Variants in LRP1B observed in about 807,000 individuals in gnomAD.
LRP1B encodes low-density lipoprotein receptor-related protein 1B.
A neutral mutation model predicts 556.6 loss-of-function variants in LRP1B; 217 were observed. The ratio of observed to expected loss-of-function variants is 0.39; its 90% confidence interval spans 0.35 to 0.44. LRP1B has a LOEUF of 0.44. Among genes scored for constraint, LRP1B ranks in the 20% least tolerant of loss-of-function variants. LRP1B has a pLI of 1.00. For missense variants in LRP1B, 5,053 were observed against 5,620.8 expected (o/e 0.90, Z 3.23); for synonymous variants, 2,047 against 1,865.8 (o/e 1.10, Z -2.50).
At chr2:140,302,650 C>T (rs942476868) in intron 83 of LRP1B, among the ~76,000 whole-genome samples, 1 of 152,052 alleles carries the variant, frequency 6.6e-6, no homozygotes, top group Non-Finnish European at 1.5e-5. Flanking sequence ...ATTTCCTCAC[C>T]AGTGTGGGTG....
chr2:141,308,127 T>C (rs300349), intron 3 of LRP1B, among the ~76,000 whole-genome samples: 2,693 of 152,290 alleles, frequency 0.018, 92 homozygotes, highest in African/African-American at 0.062. Flanking sequence ...GTTCAGGCAC[T>C]GGTTCAGGAA....
intron 1 of LRP1B, among the ~76,000 whole-genome samples, chr2:142,123,852 T>C (rs1707545634): frequency 6.6e-6 from 1 of 151,886 alleles, no homozygotes; most frequent in African/African-American, 2.4e-5. Context: ...ATTAAACAAA[T>C]GGATCTGTGG....
intron 1 of LRP1B, among the ~76,000 whole-genome samples, chr2:142,011,666 T>G (rs750288885): frequency 6.6e-6 from 1 of 152,220 alleles, no homozygotes; most frequent in Non-Finnish European, 1.5e-5. Flanking sequence ...AACCTACTGA[T>G]ACTCCAGGCC....
chr2:141,356,062 G>T (rs143431994), intron 3 of LRP1B, among the ~76,000 whole-genome samples: 11 of 152,254 alleles, frequency 7.2e-5, no homozygotes, highest in Non-Finnish European at 1.6e-4. Context: ...CATATAACCT[G>T]AGTATTGCTC....
In LRP1B at chr2:140,740,098, A is replaced by G. The variant is rs376225932; in HGVS notation, c.5759-23282T>C. ...GGGAACATAAACTGGTACGACCACT[A>G]TGGAAAAAAGTGTGGAAATTCCTTA... On this transcript the variant is annotated intron_variant, in intron 35 of 90. Coordinates refer to ENST00000389484, the MANE Select transcript of LRP1B (RefSeq NM_018557.3). 1.0e-3 allele frequency among the ~76,000 whole-genome samples: 152 copies of G among 151,972 alleles called. 1 individual carries two copies. In the South Asian group the frequency reaches 0.027, roughly 27 times the overall value.
At chr2:141,726,300 T>G (rs2105508937) in intron 2 of LRP1B, among the ~76,000 whole-genome samples, 1 of 151,580 alleles carries the variant, frequency 6.6e-6, no homozygotes, top group African/African-American at 2.4e-5. Context: ...TATTATAATC[T>G]CTGGGTAAGA....
intron 41 of LRP1B, among the ~76,000 whole-genome samples, chr2:140,616,714 C>A (rs1683269838): frequency 6.6e-6 from 1 of 151,732 alleles, no homozygotes; most frequent in Admixed American, 6.6e-5. Context: ...TATTAACTAT[C>A]ATTTTTTAAA....
chr2:140,875,021 TAAA>T (rs200338098), intron 25 of LRP1B, among the ~76,000 whole-genome samples: 5 of 125,034 alleles, frequency 4.0e-5, no homozygotes, highest in African/African-American at 5.6e-5. Context: ...TCTGTCTCAA[TAAA>T]AAAAAAAAAA....
At chr2:140,433,943 G>A (rs1686061363) in intron 66 of LRP1B, among the ~76,000 whole-genome samples, 2 of 151,976 alleles carry the variant, frequency 1.3e-5, no homozygotes, top group South Asian at 4.1e-4. Context: ...GAGAAAGGAA[G>A]TGCAATCATA....
At chr2:141,865,110 C>G (rs1303930338) in intron 1 of LRP1B, among the ~76,000 whole-genome samples, 2 of 152,034 alleles carry the variant, frequency 1.3e-5, no homozygotes, top group Non-Finnish European at 2.9e-5. Context: ...CTGAAGAAAC[C>G]CTAGCAAAAG....
chr2:141,214,054 A>AT (rs1251997727), intron 6 of LRP1B, among the ~76,000 whole-genome samples: 2 of 152,116 alleles, frequency 1.3e-5, no homozygotes, highest in Non-Finnish European at 2.9e-5. Context: ...TTTCCTAAAT[A>AT]TTTTTGATCG....
intron 3 of LRP1B, among the ~76,000 whole-genome samples, chr2:141,315,882 C>CTTTTTTTTTTTATTTTTTTTT (rs1687013444): frequency 5.5e-5 from 1 of 18,116 alleles, no homozygotes; most frequent in African/African-American, 2.4e-4. Flanking sequence ...TTAGTCTGGT[C>CTTTTTTTTTTTATTTTTTTTT]TTTTTTTTTT....
chr2:140,959,434 C>A (rs1695969831), intron 18 of LRP1B, among the ~76,000 whole-genome samples: 1 of 151,322 alleles, frequency 6.6e-6, no homozygotes, highest in African/African-American at 2.4e-5. Context: ...AGAATAAACT[C>A]ATATCTAACA....
At chr2:141,707,954 T>G (rs1373518950) in intron 2 of LRP1B, among the ~76,000 whole-genome samples, 1 of 152,192 alleles carries the variant, frequency 6.6e-6, no homozygotes, top group East Asian at 1.9e-4. Flanking sequence ...ACAGATTCTT[T>G]TTACATTTAT....
At chr2:141,127,896 C>T (rs1701255454) in intron 7 of LRP1B, among the ~76,000 whole-genome samples, 1 of 152,172 alleles carries the variant, frequency 6.6e-6, no homozygotes, top group Non-Finnish European at 1.5e-5. Context: ...CTATTCAAAG[C>T]ATGTCCCTTG....
intron 11 of LRP1B, among the ~76,000 whole-genome samples, chr2:141,040,369 G>C (rs1362892005): frequency 6.6e-6 from 1 of 152,024 alleles, no homozygotes; most frequent in Non-Finnish European, 1.5e-5. Flanking sequence ...CAGCATGTTT[G>C]CTTCATTACT....
intron 1 of LRP1B, among the ~76,000 whole-genome samples, chr2:141,874,116 T>A (rs1005000719): frequency 1.8e-5 from 2 of 110,140 alleles, no homozygotes; most frequent in South Asian, 2.8e-4. Context: ...TTTTTTTTTT[T>A]ACTTTTCACA....
chr2:141,055,021 C>T (rs1699138166), intron 10 of LRP1B, 95 bp downstream of exon 10: 12 of 1,385,838 alleles, frequency 8.7e-6, no homozygotes, highest in Non-Finnish European at 1.2e-5. Context: ...CTGTTGAAGT[C>T]TCATGTTATG....
chr2:140,487,579 T>G, intron 58 of LRP1B, 38 bp downstream of exon 58: 1 of 1,548,904 alleles, frequency 6.5e-7, no homozygotes, highest in Non-Finnish European at 8.9e-7. Context: ...CATACTGGTA[T>G]AATATTCAAC....
Sources: allele counts gnomAD v4.1 joint callset (sites outside exome capture counted in the v4.1 genomes callset), GRCh38; gene constraint gnomAD v4.1.1; transcripts MANE v1.5; gene names NCBI Gene and HGNC (gene_info 2026-07-23, HGNC 2026-07-21).